DPM1: variants seen among roughly 807,000 people sequenced by gnomAD.
DPM1 encodes the protein dolichyl-phosphate mannosyltransferase subunit 1, catalytic.
A neutral mutation model predicts 39.0 loss-of-function variants in DPM1; 27 were observed. That is an observed-to-expected ratio of 0.69 (90% CI 0.51 to 0.95). The LOEUF (loss-of-function observed/expected upper bound fraction) is 0.95. DPM1 is among the 40% of genes least tolerant of loss of function. The pLI is 0.00. For synonymous variants in DPM1, 124 were observed against 109.0 expected (o/e 1.14, Z -0.86); for missense variants, 307 against 315.6 (o/e 0.97, Z 0.21).
intron 3 of DPM1, among the ~76,000 whole-genome samples, chr20:50,948,399 C>G (rs1337482101): frequency 1.3e-5 from 2 of 152,094 alleles, no homozygotes; most frequent in African/African-American, 4.8e-5. Context: ...TAACCAGAGA[C>G]TCAGTATTAA....
At position 50,947,610 on chromosome 20, in the gene DPM1, G is replaced by GT. The variant is rs1267840490; in HGVS notation, c.295+1018dup. Among the ~76,000 whole-genome samples, 7 of 152,278 alleles carry GT rather than the reference G, an allele frequency of 4.6e-5. 1 individual carries two copies. The South Asian group carries it at 6.2e-4, about 14-fold the overall frequency. On this transcript the variant is annotated intron_variant, in intron 3 of 8. Transcript: ENST00000371588. ...CTCATATGAGCTTTTCAATAATGCTGTATGTTTAAAAGCTGGAAAAGCTTC... is the reference window on the plus strand; with the variant it reads ...CTCATATGAGCTTTTCAATAATGCTGTTATGTTTAAAAGCTGGAAAAGCTTC...
rs1439856985 is a variant in DPM1, at chr20:50,936,185, A to G, written c.641T>C (p.Ile214Thr). The change falls in exon 8 of 9, where the codon ATT becomes ACT. Residue 214 changes from isoleucine to threonine, a missense_variant. Around this residue, in one of 3 missense-constraint regions of DPM1, gnomAD observed 70 missense variants for 69.4 expected, o/e 1.01. Transcript: ENST00000371588. ...SKGYVFQMEM[I>T]VRARQLNYTI... ...ATAATTCAACTGTCTTGCCCGAACA[A>G]TCATCTCCATCTGGAAGACGTAGCC... 7.4e-6 allele frequency: 12 copies of G among 1,613,768 alleles called. No homozygotes were observed. The highest frequency in any genetic ancestry group is 1.0e-5 in the Non-Finnish European group (12 of 1,179,766).
intron 3 of DPM1, among the ~76,000 whole-genome samples, chr20:50,947,905 T>C (rs904174803): frequency 6.6e-6 from 1 of 152,178 alleles, no homozygotes; most frequent in Non-Finnish European, 1.5e-5. Context: ...AAGATTACAT[T>C]TGTGAGCCAC....
At chr20:50,946,197 C>G (rs968027555) in intron 3 of DPM1, among the ~76,000 whole-genome samples, 1 of 152,170 alleles carries the variant, frequency 6.6e-6, no homozygotes, top group South Asian at 2.1e-4. Flanking sequence ...TTTATAAGTT[C>G]AAAAGTCTAA....
At chr20:50,957,031 T>A (rs190056061) in intron 1 of DPM1, among the ~76,000 whole-genome samples, 164 of 150,814 alleles carry the variant, frequency 1.1e-3, no homozygotes, top group Non-Finnish European at 1.5e-4. Flanking sequence ...AAAAAAAAAA[T>A]TGCAAAATTA....
chr20:50,953,710 C>T (rs570702261), intron 2 of DPM1, among the ~76,000 whole-genome samples: 1 of 152,182 alleles, frequency 6.6e-6, no homozygotes, highest in South Asian at 2.1e-4. Context: ...AGTAACCATT[C>T]CCTAAAATCA....
In DPM1 at chr20:50,936,074, T is replaced by G; in HGVS notation, c.678+74A>C. The G allele has an allele frequency of 2.7e-6, 3 of 1,121,908 alleles. No homozygotes were observed. In the Admixed American group the frequency reaches 5.3e-5, roughly 20 times the overall value. The allele number at this position is 1,121,908 out of a possible 1,614,324, so 69.5% of individuals were successfully genotyped here. On this transcript the variant is annotated intron_variant, in intron 8 of 8. Transcript: ENST00000371588. ...TTTAGCAGTTATGAAAGTTAAACTT[T>G]TTATTATAAAAATTCTAAACCTTAC...
intron 2 of DPM1, among the ~76,000 whole-genome samples, chr20:50,949,278 T>A (rs1986459421): frequency 6.6e-6 from 1 of 152,258 alleles, no homozygotes; most frequent in African/African-American, 2.4e-5. Flanking sequence ...CTTTTAAATC[T>A]ATTGATTCCT....
In DPM1 at chr20:50,935,102, T is replaced by C. The variant is rs138782582; in HGVS notation, c.*30A>G. 3.5e-4 allele frequency: 440 copies of C among 1,266,228 alleles called. No homozygotes were observed. In the African/African-American group the frequency reaches 5.6e-3, roughly 16 times the overall value. The allele number at this position is 1,266,228 out of a possible 1,614,324, so 78.4% of individuals were successfully genotyped here. A position where few individuals can be genotyped will look rare whatever the true frequency, so the allele number is the denominator to read the frequency against. On this transcript the variant is annotated 3_prime_UTR_variant, in exon 9 of 9. Coordinates refer to ENST00000371588, the MANE Select transcript of DPM1 (RefSeq NM_003859.3). ...GGCTTCTTTCATGTTTAACCTGAAA[T>C]GAACGTAACTATAAATGAGTATCTT...
chr20:50,948,786 G>A (rs1005606330), intron 2 of DPM1, 124 bp from the exon 3 acceptor site: 5 of 857,794 alleles, frequency 5.8e-6, no homozygotes, highest in Non-Finnish European at 7.6e-6. Flanking sequence ...AGAACTTAAA[G>A]CAAAGTATCC....
chr20:50,944,386 T>C (rs1309121522), intron 5 of DPM1: 1 of 152,174 alleles, frequency 6.6e-6, no homozygotes, highest in Non-Finnish European at 1.5e-5. Flanking sequence ...ACTGGAGATA[T>C]AACCAAAAAA....
intron 6 of DPM1, among the ~76,000 whole-genome samples, 184 bp downstream of exon 6, chr20:50,941,847 C>T (rs1466570357): frequency 6.6e-6 from 1 of 152,042 alleles, no homozygotes; most frequent in Non-Finnish European, 1.5e-5. Context: ...GCTGATTTTT[C>T]CTTAATAAAA....
At chr20:50,951,223 G>A (rs1986558388) in intron 2 of DPM1, among the ~76,000 whole-genome samples, 1 of 152,176 alleles carries the variant, frequency 6.6e-6, no homozygotes, top group African/African-American at 2.4e-5. Context: ...AGGAGACTAT[G>A]ATACTTATAA....
At chr20:50,945,601 C>G in intron 5 of DPM1, 136 bp downstream of exon 5, 1 of 911,658 alleles carries the variant, frequency 1.1e-6, no homozygotes, top group Non-Finnish European at 1.7e-6. Flanking sequence ...ACCCTGACTT[C>G]CCAAACTTTG....
chr20:50,939,618 C>T (rs1985535410), intron 7 of DPM1, among the ~76,000 whole-genome samples: 1 of 150,100 alleles, frequency 6.7e-6, no homozygotes, highest in Non-Finnish European at 1.5e-5. Context: ...GTGTGAGCCA[C>T]AATGCCTGGC....
At chr20:50,956,526 CAAAAGAAAAAAAAAA>C (rs1454974376) in intron 1 of DPM1, among the ~76,000 whole-genome samples, 2 of 122,966 alleles carry the variant, frequency 1.6e-5, no homozygotes, top group Non-Finnish European at 3.5e-5. Context: ...ACTCCGTCTC[CAAAAGAAAAAAAAAA>C]AAAAGAAAAA....
chr20:50,943,385 G>T (rs1986027991), intron 5 of DPM1, among the ~76,000 whole-genome samples: 1 of 151,850 alleles, frequency 6.6e-6, no homozygotes. Flanking sequence ...TTTTGAGATG[G>T]AGTCTCGCTC....
intron 6 of DPM1, among the ~76,000 whole-genome samples, chr20:50,941,777 G>A (rs555416857): frequency 3.9e-5 from 6 of 152,194 alleles, no homozygotes; most frequent in Admixed American, 2.0e-4. Context: ...TAAAACTGAA[G>A]GTCCAGTACA....
At chr20:50,949,969 C>T (rs1026187280) in intron 2 of DPM1, among the ~76,000 whole-genome samples, 2 of 152,060 alleles carry the variant, frequency 1.3e-5, no homozygotes, top group Non-Finnish European at 2.9e-5. Context: ...AGGTAATTAC[C>T]GACATGTAAT....
Sources: allele counts gnomAD v4.1 joint callset (sites outside exome capture counted in the v4.1 genomes callset), GRCh38; gene constraint gnomAD v4.1.1; regional missense constraint gnomAD v4.1.1; transcripts MANE v1.5; gene names NCBI Gene and HGNC (gene_info 2026-07-23, HGNC 2026-07-21).